WDR74: variants seen among roughly 807,000 people sequenced by gnomAD.
WDR74 encodes the protein WD repeat-containing protein 74.
Under a neutral mutation model 45.6 loss-of-function variants are expected in WDR74, and 31 were observed. That is an observed-to-expected ratio of 0.68 (90% CI 0.51 to 0.92). The LOEUF (loss-of-function observed/expected upper bound fraction) is 0.92. Among genes scored for constraint, WDR74 ranks in the 40% least tolerant of loss-of-function variants. WDR74 has a pLI of 0.00. For missense variants in WDR74, 455 were observed against 497.2 expected, an observed-to-expected ratio of 0.92 and a Z score of 0.81; for synonymous variants, 191 against 192.4, an observed-to-expected ratio of 0.99 and a Z score of 0.06.
upstream of WDR74, chr11:62,839,853 A>G (rs1237698311): frequency 2.0e-6 from 1 of 502,070 alleles, no homozygotes. Flanking sequence ...TCCATTATGT[A>G]ATATGTGTTC....
upstream of WDR74, among the ~76,000 whole-genome samples, chr11:62,841,268 G>A (rs1352036727): frequency 2.0e-5 from 3 of 152,186 alleles, no homozygotes; most frequent in African/African-American, 7.2e-5. Context: ...AGTGAGCTGA[G>A]ATCATGCCAT....
chr11:62,835,990 C>G lies in WDR74; in HGVS notation c.340G>C (p.Asp114His), dbSNP rs1235842130. Residue 114 changes from aspartate (D) to histidine (H), a missense_variant, in exon 4 of 11, where the codon GAC becomes CAC. Asp to His is a moderately conservative substitution (Grantham distance 81). Transcript: ENST00000278856. ...VDSGILRVWHDKDKDTSSDPL... is the reference protein window; with the variant it reads ...VDSGILRVWHHKDKDTSSDPL... ...TCAGAGGATGTGTCCTTGTCCTTGT[C>G]ATGCCAGACTCTGAGAATCCCAGAA... The G allele has an allele frequency of 1.3e-6, 2 of 1,597,990 alleles. No individual in the cohort carries two copies.
In WDR74 at chr11:62,839,140, C is replaced by T; in HGVS notation, c.267G>A (p.Met89Ile). 2 of 1,613,618 alleles carry T rather than the reference C, an allele frequency of 1.2e-6. No homozygotes were observed. ...CGTCGGCCTGGGCGAGGCCACGGAA[C>T]ATGCCCTCCCCGCCCGGGCAGTGTC... ...GQRHCPGGEGMFRGLAQADGT... is the reference protein window; with the variant it reads ...GQRHCPGGEGIFRGLAQADGT... The change falls in exon 3 of 11, where the codon ATG (methionine) becomes ATA (isoleucine). Residue 89 changes from methionine to isoleucine, a missense_variant. Coordinates refer to ENST00000278856, the MANE Select transcript of WDR74 (RefSeq NM_001369450.1).
At chr11:62,837,166 A>T (rs2084970660) in intron 3 of WDR74, among the ~76,000 whole-genome samples, 1 of 152,170 alleles carries the variant, frequency 6.6e-6, no homozygotes, top group Non-Finnish European at 1.5e-5. Flanking sequence ...TTTACATTTA[A>T]TCCCAACCTA....
At chr11:62,839,062 A>G in intron 3 of WDR74, 52 bp downstream of exon 3, 1 of 1,606,984 alleles carries the variant, frequency 6.2e-7, no homozygotes, top group Non-Finnish European at 8.5e-7. Context: ...ATCCTCAGGG[A>G]GCATCAACGC....
intron 3 of WDR74, among the ~76,000 whole-genome samples, chr11:62,837,530 GCTTC>G (rs1317112666): frequency 2.0e-5 from 3 of 147,442 alleles, no homozygotes; most frequent in Non-Finnish European, 4.5e-5. Context: ...AAAAAAAAAC[GCTTC>G]CTTGTTATCA....
chr11:62,834,182 T>G (rs2084922979), intron 8 of WDR74, 94 bp downstream of exon 8: 2 of 1,570,686 alleles, frequency 1.3e-6, no homozygotes, highest in East Asian at 2.2e-5. Flanking sequence ...GGCACCTGAA[T>G]GAGGCCTCAC....
chr11:62,841,602 T>G (rs759558187), upstream of WDR74: 11 of 152,136 alleles, frequency 7.2e-5, no homozygotes, highest in African/African-American at 2.2e-4. Context: ...TAAACAACGG[T>G]TGTTCTCTCC....
At position 62,834,297 on chromosome 11, in the gene WDR74, C is replaced by T; in HGVS notation, c.754G>A (p.Ala252Thr). The T allele has an allele frequency of 6.2e-7, 1 of 1,613,918 alleles. No homozygotes were observed. The highest frequency in any genetic ancestry group is 2.2e-5 in the East Asian group (1 of 44,876). ...VIVGNTHGQL[A>T]EIDLRQGRLL... ...TCACCTTGCCGAAGGTCAATTTCTG[C>T]CAGCTGCCCATGAGTGTTTCCCACA... Residue 252 changes from alanine to threonine, a missense_variant, in exon 8 of 11, where the codon GCA (alanine) becomes ACA (threonine). By Grantham distance (58) the Ala-to-Thr change is moderately conservative. Transcript: ENST00000278856.
intron 6 of WDR74, 123 bp downstream of exon 6, chr11:62,835,308 G>T (rs986353450): frequency 2.3e-5 from 19 of 833,300 alleles, no homozygotes; most frequent in Non-Finnish European, 3.4e-5. Flanking sequence ...TGGAACAGAC[G>T]GGGAAGCGCT....
At chr11:62,841,659 G>C (rs113921557), upstream of WDR74, 2 of 152,214 alleles carry the variant, frequency 1.3e-5, no homozygotes, top group Non-Finnish European at 2.9e-5. Flanking sequence ...ATACCAGGTC[G>C]ATGCGTGGAG....
At chr11:62,841,762 T>G (rs982114925), upstream of WDR74, 4 of 152,212 alleles carry the variant, frequency 2.6e-5, no homozygotes, top group Admixed American at 6.5e-5. Context: ...ATTAAACTGA[T>G]AAGAACAGAT....
chr11:62,834,406 C>G, intron 7 of WDR74, 21 bp downstream of exon 7: 1 of 1,601,758 alleles, frequency 6.2e-7, no homozygotes, highest in Non-Finnish European at 8.5e-7. Flanking sequence ...CCCTCCCACC[C>G]CTTCCCCTCT....
chr11:62,841,657 T>C (rs939760324), upstream of WDR74: 23 of 152,342 alleles, frequency 1.5e-4, no homozygotes, highest in South Asian at 2.1e-4. Flanking sequence ...CAATACCAGG[T>C]CGATGCGTGG....
At chr11:62,839,281 G>A (rs900934378) in intron 2 of WDR74, 41 bp downstream of exon 2, 125 of 1,611,270 alleles carry the variant, frequency 7.8e-5, no homozygotes, top group African/African-American at 4.0e-5. Flanking sequence ...AGGCTGCTGC[G>A]CCCCAGGCCC....
Position 62,834,272 on chromosome 11 carries a change from T to C in WDR74, c.775+4A>G. On this transcript the variant is annotated splice_donor_region_variant and intron_variant, in intron 8 of 10. Coordinates refer to ENST00000278856, the MANE Select transcript of WDR74 (RefSeq NM_001369450.1). The stretch of plus-strand genomic sequence containing the variant: ...TTTCCCCCAATGTACCCTAGTCCAC[T>C]CACCTTGCCGAAGGTCAATTTCTGC... The C allele has an allele frequency of 6.2e-7, 1 of 1,613,924 alleles. No homozygotes were observed.
At chr11:62,838,288 G>A (rs1266389270) in intron 3 of WDR74, among the ~76,000 whole-genome samples, 1 of 151,982 alleles carries the variant, frequency 6.6e-6, no homozygotes, top group African/African-American at 2.4e-5. Context: ...AAGTAGCTGG[G>A]ATTACAGGCA....
At chr11:62,835,603 GC>G in intron 5 of WDR74, 71 bp from the exon 6 acceptor site, 4 of 1,612,638 alleles carry the variant, frequency 2.5e-6, no homozygotes, top group Non-Finnish European at 3.4e-6. Flanking sequence ...GCCCTCCTTC[GC>G]CCCCTAAGTC....
At chr11:62,839,645 A>G, upstream of WDR74, 2 of 1,510,628 alleles carry the variant, frequency 1.3e-6, no homozygotes, top group South Asian at 1.3e-5. Flanking sequence ...AGTCCGATGC[A>G]GCGCAGTGTA....
Sources: allele counts gnomAD v4.1 joint callset (sites outside exome capture counted in the v4.1 genomes callset), GRCh38; gene constraint gnomAD v4.1.1; transcripts MANE v1.5; gene names NCBI Gene and HGNC (gene_info 2026-07-23, HGNC 2026-07-21).